SLC36A1: variants seen among roughly 807,000 people sequenced by gnomAD.
SLC36A1 encodes the protein solute carrier family 36 member 1.
A neutral mutation model predicts 47.5 loss-of-function variants in SLC36A1; 30 were observed. The observed-to-expected ratio is 0.63, with a 90% confidence interval of 0.47 to 0.86. The LOEUF (loss-of-function observed/expected upper bound fraction) is 0.86, where lower values mean the gene tolerates loss of function less well. SLC36A1 is among the 40% of genes least tolerant of loss of function. SLC36A1 has a pLI of 0.00. For missense variants in SLC36A1, 517 were observed against 606.0 expected, an observed-to-expected ratio of 0.85 and a Z score of 1.54; for synonymous variants, 255 against 249.7, an observed-to-expected ratio of 1.02 and a Z score of -0.20.
the SLC36A1 span, among the ~76,000 whole-genome samples, chr5:151,528,616 T>C: frequency 1.6e-3 from 241 of 152,118 alleles, 1 homozygote; most frequent in African/African-American, 5.4e-3. Context: ...AGACGATGTT[T>C]TGGGGAAAGG....
chr5:151,507,359 G>A, the SLC36A1 span: 3 of 1,614,196 alleles, frequency 1.9e-6, no homozygotes, highest in Non-Finnish European at 2.5e-6. Flanking sequence ...CACTCAATGG[G>A]TTGAGCTCGA....
rs1434625877 is a variant in SLC36A1 at position 151,488,569 on chromosome 5, C to T, written c.*315C>T. The T allele has an allele frequency of 7.5e-6, 3 of 397,464 alleles. No individual in the cohort carries two copies. In the South Asian group the frequency reaches 9.1e-5, roughly 12 times the overall value. 24.6% of individuals were successfully genotyped at this position (397,464 alleles called of 1,614,324 possible). ...GCCTCCCCTCTGCTGGTGCACCTCG[C>T]CCAACTCATTCTTACTGCACAGTTC... is the stretch of plus-strand genomic sequence containing the variant. On this transcript the variant is annotated 3_prime_UTR_variant, in exon 11 of 11. Transcript: ENST00000243389.
chr5:151,554,453 T>C, the SLC36A1 span: 1 of 1,614,168 alleles, frequency 6.2e-7, no homozygotes, highest in African/African-American at 1.3e-5. Context: ...CTCATCGCTG[T>C]CCTCGATACT....
the SLC36A1 span, among the ~76,000 whole-genome samples, chr5:151,518,365 A>ATTATTATTATTATT: frequency 7.7e-3 from 532 of 69,134 alleles, 3 homozygotes; most frequent in East Asian, 0.11. Context: ...TAATAATAAT[A>ATTATTATTATTATT]ATAATAATAA....
the SLC36A1 span, chr5:151,510,112 A>G: frequency 6.2e-7 from 1 of 1,614,176 alleles, no homozygotes; most frequent in Non-Finnish European, 8.5e-7. Flanking sequence ...GCAAAAGTAC[A>G]GTTCTCCCTT....
the SLC36A1 span, among the ~76,000 whole-genome samples, chr5:151,369,469 A>T: frequency 6.6e-6 from 1 of 152,316 alleles, no homozygotes; most frequent in African/African-American, 2.4e-5. Context: ...TGAACTGTCA[A>T]ATGCAACAAT....
chr5:151,530,942 G>T, the SLC36A1 span, among the ~76,000 whole-genome samples: 1 of 152,246 alleles, frequency 6.6e-6, no homozygotes, highest in South Asian at 2.1e-4. Context: ...CAATGATAAG[G>T]CAGCTGTTTG....
rs71575106 is a variant in SLC36A1, at chr5:151,473,174, C to CTAGATAGA, written c.724-454_724-447dup. 2.2e-3 allele frequency among the ~76,000 whole-genome samples: 295 copies of CTAGATAGA among 132,038 alleles called. 1 individual carries two copies. The highest frequency in any genetic ancestry group is 5.2e-3 in the East Asian group (24 of 4,654). The allele number at this position is 132,038 out of a possible 152,430, so 86.6% of individuals were successfully genotyped here. A position where few individuals can be genotyped will look rare whatever the true frequency, so the allele number is the denominator to read the frequency against. Reference sequence around the variant, plus strand: ...TGGGTGACAGAAGGAGACTCTGTCTCTAGATAGATAGATAGATAGATAGAT... The same window carrying CTAGATAGA: ...TGGGTGACAGAAGGAGACTCTGTCTCTAGATAGATAGATAGATAGATAGATAGATAGAT... On this transcript the variant is annotated intron_variant, in intron 7 of 10. Coordinates refer to ENST00000243389, the MANE Select transcript of SLC36A1 (RefSeq NM_078483.4).
the SLC36A1 span, chr5:151,549,474 T>C: frequency 1.9e-6 from 3 of 1,614,202 alleles, no homozygotes; most frequent in South Asian, 3.3e-5. Flanking sequence ...CCACACGAAG[T>C]TCCTCTTGAT....
At chr5:151,460,981 A>G (rs1018814471) in intron 2 of SLC36A1, among the ~76,000 whole-genome samples, 5 of 151,210 alleles carry the variant, frequency 3.3e-5, no homozygotes, top group African/African-American at 1.2e-4. Context: ...CATGAGTTTC[A>G]TGGGTTACTT....
the SLC36A1 span, among the ~76,000 whole-genome samples, chr5:151,414,099 G>C: frequency 5.9e-5 from 9 of 152,056 alleles, no homozygotes; most frequent in African/African-American, 1.9e-4. Context: ...GAGCTCACAG[G>C]CTAGCTATAA....
At chr5:151,520,978 G>A in the SLC36A1 span, among the ~76,000 whole-genome samples, 3 of 152,218 alleles carry the variant, frequency 2.0e-5, no homozygotes, top group African/African-American at 7.2e-5. Flanking sequence ...AAGGGGTAGA[G>A]CTGGGATTTT....
At chr5:151,421,082 C>T in the SLC36A1 span, among the ~76,000 whole-genome samples, 1 of 151,588 alleles carries the variant, frequency 6.6e-6, no homozygotes, top group Admixed American at 6.6e-5. Flanking sequence ...ACCGTGTTAG[C>T]CAGGATGGTC....
chr5:151,517,817 C>T, the SLC36A1 span: 1 of 1,598,774 alleles, frequency 6.3e-7, no homozygotes, highest in Non-Finnish European at 8.6e-7. Flanking sequence ...CCCCATTGAG[C>T]CCTTGGACTG....
chr5:151,377,661 T>G, the SLC36A1 span, among the ~76,000 whole-genome samples: 5 of 152,322 alleles, frequency 3.3e-5, no homozygotes, highest in East Asian at 9.6e-4. Context: ...GTCTCTTTCT[T>G]TAGGTCTAGT....
At chr5:151,492,783 A>G (rs1412632023), downstream of SLC36A1, among the ~76,000 whole-genome samples, 1 of 152,238 alleles carries the variant, frequency 6.6e-6, no homozygotes, top group Non-Finnish European at 1.5e-5. Flanking sequence ...GCCTTTAAGT[A>G]AAAGAGGTTT....
chr5:151,372,224 T>A, the SLC36A1 span, among the ~76,000 whole-genome samples: 19 of 152,140 alleles, frequency 1.2e-4, no homozygotes, highest in Non-Finnish European at 2.2e-4. Flanking sequence ...AAGGCTATAC[T>A]CTCAAGACAG....
At position 151,488,411 on chromosome 5, in the gene SLC36A1, C is replaced by G. The variant is rs1406473711; in HGVS notation, c.*157C>G. 4.1e-6 allele frequency: 4 copies of G among 967,772 alleles called. No homozygotes were observed. Among genetic ancestry groups the G allele is most frequent in the Non-Finnish European group, 4.5e-6 (3 of 666,900 alleles). The allele number at this position is 967,772 out of a possible 1,614,324, so 59.9% of individuals were successfully genotyped here. A position where few individuals can be genotyped will look rare whatever the true frequency, so the allele number is the denominator to read the frequency against. On this transcript the variant is annotated 3_prime_UTR_variant, in exon 11 of 11. Coordinates refer to ENST00000243389, the MANE Select transcript of SLC36A1 (RefSeq NM_078483.4). ...ACCTGGATACCCTGGGCCAGGTAAC[C>G]TGAGGGCAGGGGAGAGGTGGGGTGG...
chr5:151,439,135 A>T (rs1581017826), intron 1 of SLC36A1, among the ~76,000 whole-genome samples: 1 of 144,636 alleles, frequency 6.9e-6, no homozygotes, highest in South Asian at 2.2e-4. Context: ...AGAGAGAGAG[A>T]GTGCAGGGGA....
Sources: allele counts gnomAD v4.1 joint callset (sites outside exome capture counted in the v4.1 genomes callset), GRCh38; gene constraint gnomAD v4.1.1; transcripts MANE v1.5; gene names NCBI Gene and HGNC (gene_info 2026-07-23, HGNC 2026-07-21).